The following NET1 variants were observed in gnomAD, a reference collection of about 807,000 sequenced individuals.
NET1 encodes the protein neuroepithelial cell transforming 1.
NET1 carries 42 observed loss-of-function variants against 61.1 expected under a neutral mutation model. The observed-to-expected ratio is 0.69, with a 90% confidence interval of 0.54 to 0.89. The LOEUF (loss-of-function observed/expected upper bound fraction) is 0.89, where lower values mean the gene tolerates loss of function less well. Ranked by LOEUF, NET1 falls within the 40% of genes least tolerant of loss-of-function variation. NET1 has a pLI of 0.00. For missense variants in NET1, 654 were observed against 747.3 expected, an observed-to-expected ratio of 0.88 and a Z score of 1.46; for synonymous variants, 254 against 281.8, an observed-to-expected ratio of 0.90 and a Z score of 0.99.
rs1196592378 is a variant in NET1, at chr10:5,415,503, G to A, written c.128+2683G>A. 6.0e-5 allele frequency among the ~76,000 whole-genome samples: 9 copies of A among 150,696 alleles called. No homozygotes were observed. The highest frequency in any genetic ancestry group is 1.0e-4 in the Non-Finnish European group (7 of 67,784). ...CACCGGGGCTGGAGTACAGTGGCATGATCTCGGCTCACTGCAACCTCCGCC... is the reference window on the plus strand; with the variant it reads ...CACCGGGGCTGGAGTACAGTGGCATAATCTCGGCTCACTGCAACCTCCGCC... On this transcript the variant is annotated intron_variant, in intron 1 of 11. Transcript: ENST00000355029. The surrounding 1 kb of genome is among the most constrained non-coding windows in gnomAD (Gnocchi z 4.7).
chr10:5,412,575 G>T lies in NET1; in HGVS notation c.-118G>T, dbSNP rs962083936. On this transcript the variant is annotated 5_prime_UTR_variant, in exon 1 of 12. Transcript: ENST00000355029. This position sits in a 1 kb window ranked among gnomAD's most constrained non-coding sequence, Gnocchi z 6.5. ...CATTTTCAAATCCCCGGATGACGGC[G>T]GTGGCGGCTGCAGTCCGCTGACAGG... The T allele has an allele frequency of 1.8e-6, 2 of 1,083,726 alleles. No homozygotes were observed. The highest frequency in any genetic ancestry group is 2.5e-6 in the Non-Finnish European group (2 of 802,818). 67.1% of individuals were successfully genotyped at this position (1,083,726 alleles called of 1,614,324 possible). A position where few individuals can be genotyped will look rare whatever the true frequency, so the allele number is the denominator to read the frequency against.
In NET1 at chr10:5,440,807, C is replaced by T. The variant is rs1393557812; in HGVS notation, c.256-11023C>T. ...CATTTGCCACCACTACTATGTAAGG[C>T]ATTGCCTCACTACTCTGTGTCTCAT... is the stretch of plus-strand genomic sequence containing the variant. On this transcript the variant is annotated intron_variant, in intron 3 of 11. Transcript: ENST00000355029. The surrounding 1 kb of genome is among the most constrained non-coding windows in gnomAD (Gnocchi z 4.1). Among the ~76,000 whole-genome samples, 1 of 152,216 alleles carries T rather than the reference C, an allele frequency of 6.6e-6. No homozygotes were observed. Among genetic ancestry groups the T allele is most frequent in the East Asian group, 1.9e-4 (1 of 5,198 alleles).
At chr10:5,432,935 C>A (rs531250506) in intron 3 of NET1, among the ~76,000 whole-genome samples, 2 of 152,080 alleles carry the variant, frequency 1.3e-5, no homozygotes, top group Middle Eastern at 6.8e-3. Context: ...TTATGTAATA[C>A]CTTTTGGGCT....
rs1198637720 is a variant in NET1 at position 5,421,724 on chromosome 10, T to C, written c.129-4931T>C. 6.6e-6 allele frequency among the ~76,000 whole-genome samples: 1 copy of C among 152,170 alleles called. No homozygotes were observed. Among genetic ancestry groups the C allele is most frequent in the Non-Finnish European group, 1.5e-5 (1 of 68,028 alleles). On this transcript the variant is annotated intron_variant, in intron 1 of 11. Coordinates refer to ENST00000355029, the MANE Select transcript of NET1 (RefSeq NM_001047160.3). This position sits in a 1 kb window ranked among gnomAD's most constrained non-coding sequence, Gnocchi z 4.2. ...AGTAATTATCAGTAAATTTATAGAG[T>C]TGTGCAGTCATTACCACAATCCATT... is the stretch of plus-strand genomic sequence containing the variant.
rs767299959 is a variant in NET1, at chr10:5,428,038, C to CCTTTTTTTTTTTTTTTT, written c.196-1132_196-1131insCTTTTTTTTTTTTTTTT. On this transcript the variant is annotated intron_variant, in intron 2 of 11. Transcript: ENST00000355029. ...CACTTCTATCTGGACTTTGCCGTTC[C>CCTTTTTTTTTTTTTTTT]TTTTTTTTTTTTTTTTTTTTTTTTT... Among the ~76,000 whole-genome samples the CCTTTTTTTTTTTTTTTT allele has an allele frequency of 3.5e-5, 4 of 113,904 alleles. 2 individuals are homozygous for CCTTTTTTTTTTTTTTTT. The highest frequency in any genetic ancestry group is 7.1e-5 in the Non-Finnish European group (4 of 56,156). 74.7% of individuals were successfully genotyped at this position (113,904 alleles called of 152,430 possible).
In NET1 at chr10:5,420,872, G is replaced by A. The variant is rs1429070465; in HGVS notation, c.129-5783G>A. On this transcript the variant is annotated intron_variant, in intron 1 of 11. Coordinates refer to ENST00000355029, the MANE Select transcript of NET1 (RefSeq NM_001047160.3). This position sits in a 1 kb window ranked among gnomAD's most constrained non-coding sequence, Gnocchi z 5.3. ...ACCTCCCAAAGTGCTGGGATTACAA[G>A]TATGAGTCACTGTGCCCGGCCAGCA... 6.6e-6 allele frequency among the ~76,000 whole-genome samples: 1 copy of A among 152,146 alleles called. No homozygotes were observed. The highest frequency in any genetic ancestry group is 1.5e-5 in the Non-Finnish European group (1 of 68,028).
rs1832486417 is a variant in NET1 at position 5,439,237 on chromosome 10, C to A, written c.255+10008C>A. Among the ~76,000 whole-genome samples the A allele has an allele frequency of 2.0e-5, 3 of 152,206 alleles. No individual in the cohort carries two copies. Among genetic ancestry groups the A allele is most frequent in the Admixed American group, 2.0e-4 (3 of 15,280 alleles). ...ACTGACACTGGAGTGTTCTCCTTTG[C>A]CGCTCTCTTTAGGATTACCCCTGAA... On this transcript the variant is annotated intron_variant, in intron 3 of 11. Coordinates refer to ENST00000355029, the MANE Select transcript of NET1 (RefSeq NM_001047160.3). The surrounding 1 kb of genome is among the most constrained non-coding windows in gnomAD (Gnocchi z 4.8).
Position 5,420,279 on chromosome 10 carries a change from C to A in NET1, c.129-6376C>A, listed in dbSNP as rs1257116328. On this transcript the variant is annotated intron_variant, in intron 1 of 11. Transcript: ENST00000355029. This position sits in a 1 kb window ranked among gnomAD's most constrained non-coding sequence, Gnocchi z 5.3. ...TGGATGTATGTACAAGAAAGTATAT[C>A]CTAGCACATTTGTGTAGTAGAAAGG... Among the ~76,000 whole-genome samples, 4 of 152,058 alleles carry A rather than the reference C, an allele frequency of 2.6e-5. No individual in the cohort carries two copies. Among genetic ancestry groups the A allele is most frequent in the African/African-American group, 9.7e-5 (4 of 41,396 alleles).
rs1017217584 is a variant in NET1 at position 5,422,376 on chromosome 10, T to A, written c.129-4279T>A. 6.6e-6 allele frequency among the ~76,000 whole-genome samples: 1 copy of A among 151,880 alleles called. No homozygotes were observed. Among genetic ancestry groups the A allele is most frequent in the Non-Finnish European group, 1.5e-5 (1 of 67,940 alleles). ...TCTTTGTGTAGACATACGTTTTCAC[T>A]CCTCTTGGGTAAATTCTTGGGGGTG... On this transcript the variant is annotated intron_variant, in intron 1 of 11. Transcript: ENST00000355029. This position sits in a 1 kb window ranked among gnomAD's most constrained non-coding sequence, Gnocchi z 4.1.
At position 5,422,108 on chromosome 10, in the gene NET1, C is replaced by T. The variant is rs1339531660; in HGVS notation, c.129-4547C>T. Among the ~76,000 whole-genome samples, 4 of 152,074 alleles carry T rather than the reference C, an allele frequency of 2.6e-5. No homozygotes were observed. Among genetic ancestry groups the T allele is most frequent in the East Asian group, 1.9e-4 (1 of 5,186 alleles). On this transcript the variant is annotated intron_variant, in intron 1 of 11. Coordinates refer to ENST00000355029, the MANE Select transcript of NET1 (RefSeq NM_001047160.3). This position sits in a 1 kb window ranked among gnomAD's most constrained non-coding sequence, Gnocchi z 4.1. The stretch of plus-strand genomic sequence containing the variant: ...CTATAATCCCAGCACTTTGGGAGGC[C>T]GAGGCGGGTGGATCACCTGAGGTCA...
Position 5,412,675 on chromosome 10 carries a change from C to A in NET1, c.-18C>A. ...TCTCCCGGGCACCCGGCCACCGCCC[C>A]ACCCCCTCCTCCGTGCCATGGAGCC... is the stretch of plus-strand genomic sequence containing the variant. On this transcript the variant is annotated 5_prime_UTR_variant, in exon 1 of 12. Coordinates refer to ENST00000355029, the MANE Select transcript of NET1 (RefSeq NM_001047160.3). The surrounding 1 kb of genome is among the most constrained non-coding windows in gnomAD (Gnocchi z 6.5). 1 of 1,462,296 alleles carries A rather than the reference C, an allele frequency of 6.8e-7. No homozygotes were observed. Among genetic ancestry groups the A allele is most frequent in the South Asian group, 1.3e-5 (1 of 75,068 alleles). The allele number at this position is 1,462,296 out of a possible 1,614,324, so 90.6% of individuals were successfully genotyped here.
rs1010330601 is a variant in NET1, at chr10:5,435,925, A to G, written c.255+6696A>G. On this transcript the variant is annotated intron_variant, in intron 3 of 11. Transcript: ENST00000355029. The surrounding 1 kb of genome is among the most constrained non-coding windows in gnomAD (Gnocchi z 5.0). ...TCAGCTGTGTATGTTAGCAACTACAATCTTTCCTTTTTATTTTGATAGGAA... is the reference window on the plus strand; with the variant it reads ...TCAGCTGTGTATGTTAGCAACTACAGTCTTTCCTTTTTATTTTGATAGGAA... Among the ~76,000 whole-genome samples the G allele has an allele frequency of 5.3e-5, 8 of 152,094 alleles. No homozygotes were observed. Among genetic ancestry groups the G allele is most frequent in the East Asian group, 1.9e-4 (1 of 5,182 alleles).
chr10:5,455,995 T>A lies in NET1; in HGVS notation c.1198-92T>A, dbSNP rs1052628201. 8.0e-7 allele frequency: 1 copy of A among 1,246,142 alleles called. No homozygotes were observed. The highest frequency in any genetic ancestry group is 2.3e-5 in the Admixed American group (1 of 43,390). The allele number at this position is 1,246,142 out of a possible 1,614,324, so 77.2% of individuals were successfully genotyped here. ...AGAGATCTTCGAAAAATAAATCTGA[T>A]GAAATTAATAATGTCGAGTTATTTT... On this transcript the variant is annotated intron_variant, in intron 10 of 11. Coordinates refer to ENST00000355029, the MANE Select transcript of NET1 (RefSeq NM_001047160.3). This position sits in a 1 kb window ranked among gnomAD's most constrained non-coding sequence, Gnocchi z 6.5.
In NET1 at chr10:5,449,328, A is replaced by C. The variant is rs1376130163; in HGVS notation, c.256-2502A>C. On this transcript the variant is annotated intron_variant, in intron 3 of 11. Coordinates refer to ENST00000355029, the MANE Select transcript of NET1 (RefSeq NM_001047160.3). The surrounding 1 kb of genome is among the most constrained non-coding windows in gnomAD (Gnocchi z 4.4). ...AAAGTTATCCACCATCATCCCCAAAAGCATGTGAAAAAGTGCAAAGTGCCC... is the reference window on the plus strand; with the variant it reads ...AAAGTTATCCACCATCATCCCCAAACGCATGTGAAAAAGTGCAAAGTGCCC... Among the ~76,000 whole-genome samples, 1 of 152,176 alleles carries C rather than the reference A, an allele frequency of 6.6e-6. No individual in the cohort carries two copies. The highest frequency in any genetic ancestry group is 6.5e-5 in the Admixed American group (1 of 15,276).
chr10:5,412,730 C>CGCGGAG lies in NET1; in HGVS notation c.42_47dup (p.Arg15_Arg16dup), dbSNP rs1564455629. On this transcript the variant is annotated inframe_insertion, in exon 1 of 12. Coordinates refer to ENST00000355029, the MANE Select transcript of NET1 (RefSeq NM_001047160.3). This position sits in a 1 kb window ranked among gnomAD's most constrained non-coding sequence, Gnocchi z 6.5. ...CTGGCGGCTCAGAAGCAGCCTCGAC[C>CGCGGAG]GCGGAGGCGAAGCCGCCGGGCCTCT... 6.8e-7 allele frequency: 1 copy of CGCGGAG among 1,480,108 alleles called. No homozygotes were observed. The highest frequency in any genetic ancestry group is 1.3e-5 in the South Asian group (1 of 77,588). The allele number at this position is 1,480,108 out of a possible 1,614,324, so 91.7% of individuals were successfully genotyped here.
In NET1 at chr10:5,422,123, A is replaced by G. The variant is rs1832183700; in HGVS notation, c.129-4532A>G. 6.6e-6 allele frequency among the ~76,000 whole-genome samples: 1 copy of G among 152,112 alleles called. No individual in the cohort carries two copies. Reference sequence around the variant, plus strand: ...TTTGGGAGGCCGAGGCGGGTGGATCACCTGAGGTCAGGAGTTCGAGACCAG... The same window carrying G: ...TTTGGGAGGCCGAGGCGGGTGGATCGCCTGAGGTCAGGAGTTCGAGACCAG... On this transcript the variant is annotated intron_variant, in intron 1 of 11. Transcript: ENST00000355029. The surrounding 1 kb of genome is among the most constrained non-coding windows in gnomAD (Gnocchi z 4.1).
chr10:5,431,479 A>T lies in NET1; in HGVS notation c.255+2250A>T, dbSNP rs1014198041. On this transcript the variant is annotated intron_variant, in intron 3 of 11. Transcript: ENST00000355029. This position sits in a 1 kb window ranked among gnomAD's most constrained non-coding sequence, Gnocchi z 4.9. ...AAATGGATGCTCATTGCCTACATGC[A>T]TTTTTTTCTTGGTGGTTGCAAAGTG... 1.4e-5 allele frequency among the ~76,000 whole-genome samples: 2 copies of T among 147,324 alleles called. No individual in the cohort carries two copies. Among genetic ancestry groups the T allele is most frequent in the African/African-American group, 5.0e-5 (2 of 39,880 alleles).
In NET1 at chr10:5,440,419, T is replaced by C. The variant is rs1036754506; in HGVS notation, c.255+11190T>C. Among the ~76,000 whole-genome samples, 1 of 152,230 alleles carries C rather than the reference T, an allele frequency of 6.6e-6. No individual in the cohort carries two copies. The highest frequency in any genetic ancestry group is 2.1e-4 in the South Asian group (1 of 4,836). ...GTAGACTCTACATCTTGCACAACAG[T>C]TGAGGTTGGAACTACCACTTAAGTT... On this transcript the variant is annotated intron_variant, in intron 3 of 11. Transcript: ENST00000355029. This position sits in a 1 kb window ranked among gnomAD's most constrained non-coding sequence, Gnocchi z 4.1.
rs541493422 is a variant in NET1, at chr10:5,438,874, C to A, written c.255+9645C>A. ...TAAACCAGCCTTGGTAAAAGAGCGC[C>A]CCTGCTGCTGGAGCACACTGAACCT... On this transcript the variant is annotated intron_variant, in intron 3 of 11. Coordinates refer to ENST00000355029, the MANE Select transcript of NET1 (RefSeq NM_001047160.3). 5.9e-5 allele frequency among the ~76,000 whole-genome samples: 9 copies of A among 152,286 alleles called. No homozygotes were observed. In the East Asian group the frequency reaches 1.7e-3, roughly 29 times the overall value.
Sources: gnomAD v4.1 joint callset for allele counts (sites outside exome capture counted in the v4.1 genomes callset) on GRCh38, gnomAD v4.1.1 for gene constraint, Gnocchi (gnomAD v3.1) non-coding constraint, MANE v1.5 for transcripts, NCBI Gene and HGNC (gene_info 2026-07-23, HGNC 2026-07-21) for gene names.